GLB1L2: variants seen among roughly 807,000 people sequenced by gnomAD.
GLB1L2 encodes the protein beta-galactosidase-1-like protein 2.
In GLB1L2, 68 loss-of-function variants were observed where a neutral mutation model predicts 84.1. The observed-to-expected ratio is 0.81, with a 90% CI of 0.67 to 0.99. GLB1L2 has a LOEUF of 0.99. Among genes scored for constraint, GLB1L2 ranks in the 50% least tolerant of loss-of-function variants. The pLI, the probability that GLB1L2 is intolerant of heterozygous loss-of-function variation, is 0.00. For missense variants in GLB1L2, 762 were observed against 805.6 expected (o/e 0.95, Z 0.66); for synonymous variants, 290 against 318.0 (o/e 0.91, Z 0.94).
intron 3 of GLB1L2, 36 bp from the exon 4 acceptor site, chr11:134,344,998 C>T (rs771577667): frequency 3.3e-5 from 53 of 1,599,112 alleles, no homozygotes; most frequent in East Asian, 2.7e-4. Context: ...CATCCTGGGC[C>T]GTCGTGGGAG....
chr11:134,355,755 C>T (rs753607987), intron 5 of GLB1L2, among the ~76,000 whole-genome samples: 10 of 152,202 alleles, frequency 6.6e-5, no homozygotes, highest in Non-Finnish European at 8.8e-5. Context: ...TAGCTTCCAG[C>T]CTGAAGTCCA....
chr11:134,350,997 C>T (rs753985878), intron 5 of GLB1L2, among the ~76,000 whole-genome samples: 1 of 152,208 alleles, frequency 6.6e-6, no homozygotes, highest in Non-Finnish European at 1.5e-5. Context: ...TAACTTCTTC[C>T]TTTCCAACTT....
At chr11:134,347,199 G>T in intron 4 of GLB1L2, 126 bp from the exon 5 acceptor site, 1 of 752,142 alleles carries the variant, frequency 1.3e-6, no homozygotes. Context: ...GGCTCAGTGG[G>T]GTGGAGGAGG....
rs112729512 is a variant in GLB1L2, at chr11:134,338,369, G to T, written c.87-4385G>T. On this transcript the variant is annotated intron_variant, in intron 1 of 18. Transcript: ENST00000535456. The surrounding 1 kb of genome is among the most constrained non-coding windows in gnomAD (Gnocchi z 6.2). Reference sequence around the variant, plus strand: ...TCACTCAAGGAGATCCTTTCTGGTGGTGACAGGATCTGGCTCACCTCCCAC... The same window carrying T: ...TCACTCAAGGAGATCCTTTCTGGTGTTGACAGGATCTGGCTCACCTCCCAC... Among the ~76,000 whole-genome samples the T allele has an allele frequency of 0.017, 2,565 of 152,274 alleles. 83 individuals are homozygous for T. Among genetic ancestry groups the T allele is most frequent in the African/African-American group, 0.058 (2,410 of 41,544 alleles).
chr11:134,375,040 G>A lies in GLB1L2; in HGVS notation c.1893G>A (p.Arg631=), dbSNP rs749013600. The part of the protein sequence containing the change: ...LQFTETPHLG[R]NQYIK Reference sequence around the variant, plus strand: ...TCACGGAAACCCCCCACCTGGGCAGGAACCAGTACATTAAGTGAGCGGTGG... The same window carrying A: ...TCACGGAAACCCCCCACCTGGGCAGAAACCAGTACATTAAGTGAGCGGTGG... Residue 631 remains arginine, a synonymous_variant, in exon 19 of 19, where the codon AGG becomes AGA. Transcript: ENST00000535456. 4.9e-5 allele frequency: 79 copies of A among 1,613,614 alleles called. 1 individual carries two copies. Among genetic ancestry groups the A allele is most frequent in the Non-Finnish European group, 7.6e-6 (9 of 1,179,922 alleles).
rs188088975 is a variant in GLB1L2 at position 134,338,654 on chromosome 11, T to C, written c.87-4100T>C. ...CCTCACCACGGGGCACAGCAGAACT[T>C]GGTACCTATGTCCTCTGCTTCAGGT... is the stretch of plus-strand genomic sequence containing the variant. On this transcript the variant is annotated intron_variant, in intron 1 of 18. Transcript: ENST00000535456. This position sits in a 1 kb window ranked among gnomAD's most constrained non-coding sequence, Gnocchi z 6.2. Among the ~76,000 whole-genome samples the C allele has an allele frequency of 2.1e-3, 322 of 152,304 alleles. 1 individual carries two copies. The highest frequency in any genetic ancestry group is 7.5e-3 in the African/African-American group (312 of 41,556).
At chr11:134,345,619 T>C (rs1943543384) in intron 4 of GLB1L2, among the ~76,000 whole-genome samples, 1 of 152,152 alleles carries the variant, frequency 6.6e-6, no homozygotes, top group Non-Finnish European at 1.5e-5. Context: ...TACAGGTGTG[T>C]GCCACCACGC....
intron 5 of GLB1L2, among the ~76,000 whole-genome samples, chr11:134,352,348 A>G (rs181054519): frequency 6.6e-6 from 1 of 152,096 alleles, no homozygotes; most frequent in East Asian, 1.9e-4. Context: ...TTCTTAGTTT[A>G]GCTGCAGTTT....
rs1321924018 is a variant in GLB1L2, at chr11:134,334,009, TC to T, written c.86+1864del. 2.0e-5 allele frequency among the ~76,000 whole-genome samples: 3 copies of T among 152,186 alleles called. No homozygotes were observed. Among genetic ancestry groups the T allele is most frequent in the African/African-American group, 7.2e-5 (3 of 41,426 alleles). On this transcript the variant is annotated intron_variant, in intron 1 of 18. Coordinates refer to ENST00000535456, the MANE Select transcript of GLB1L2 (RefSeq NM_001370461.1). This position sits in a 1 kb window ranked among gnomAD's most constrained non-coding sequence, Gnocchi z 4.1. ...ACCCTCATGGGTACATTCTGCCAGT[TC>T]CTCCTGTCTGACTTGGGCTGGACAC...
Position 134,359,063 on chromosome 11 carries a change from C to A in GLB1L2, c.655C>A (p.Leu219Met), listed in dbSNP as rs751688239. The A allele has an allele frequency of 5.6e-6, 9 of 1,597,676 alleles. No homozygotes were observed. Among genetic ancestry groups the A allele is most frequent in the Non-Finnish European group, 7.7e-6 (9 of 1,171,768 alleles). ...PAYMPYVKKA[L>M]EDRGIVELLL... ...GCTTGTCTCATTTCCCCCACAGGCA[C>A]TGGAGGACCGTGGCATTGTGGAACT... Residue 219 changes from leucine to methionine, a missense_variant, in exon 7 of 19, where the codon CTG (leucine) becomes ATG (methionine). Around this residue, in one of 3 missense-constraint regions of GLB1L2, gnomAD observed 603 missense variants for 611.7 expected, o/e 0.99. Transcript: ENST00000535456.
intron 8 of GLB1L2, among the ~76,000 whole-genome samples, chr11:134,365,408 G>A (rs982648860): frequency 6.6e-6 from 1 of 152,198 alleles, no homozygotes; most frequent in Non-Finnish European, 1.5e-5. Flanking sequence ...GCAGTGGAGT[G>A]GGGGGTGCCT....
At chr11:134,341,410 G>A (rs1280950631) in intron 1 of GLB1L2, among the ~76,000 whole-genome samples, 1 of 152,162 alleles carries the variant, frequency 6.6e-6, no homozygotes, top group Non-Finnish European at 1.5e-5. Context: ...TGGGGGCCAG[G>A]ATTCACATCC....
intron 5 of GLB1L2, among the ~76,000 whole-genome samples, chr11:134,352,471 C>G (rs766651063): frequency 1.6e-4 from 24 of 151,936 alleles, no homozygotes; most frequent in Non-Finnish European, 3.2e-4. Flanking sequence ...TATTTCCTTA[C>G]TTCTGCTACC....
intron 4 of GLB1L2, among the ~76,000 whole-genome samples, chr11:134,345,522 G>A (rs1943541746): frequency 6.6e-6 from 1 of 152,242 alleles, no homozygotes; most frequent in Admixed American, 6.5e-5. Flanking sequence ...TCAGGCTGGA[G>A]TGCAGTGGTG....
chr11:134,346,120 T>C (rs1943549402), intron 4 of GLB1L2, among the ~76,000 whole-genome samples: 1 of 152,146 alleles, frequency 6.6e-6, no homozygotes, highest in Admixed American at 6.5e-5. Context: ...TCCCCTCCCC[T>C]GGTCCCTGGG....
intron 1 of GLB1L2, among the ~76,000 whole-genome samples, chr11:134,341,263 A>T (rs1221067383): frequency 6.6e-6 from 1 of 152,192 alleles, no homozygotes; most frequent in East Asian, 1.9e-4. Context: ...CTCACAGCAG[A>T]GAGTGTTGCA....
rs10894798 is a variant in GLB1L2, at chr11:134,334,211, G to C, written c.86+2064G>C. 0.31 allele frequency among the ~76,000 whole-genome samples: 46,590 copies of C among 152,014 alleles called. 7,067 individuals carry two copies. The highest frequency in any genetic ancestry group is 0.35 in the South Asian group (1,702 of 4,796). On this transcript the variant is annotated intron_variant, in intron 1 of 18. Transcript: ENST00000535456. The surrounding 1 kb of genome is among the most constrained non-coding windows in gnomAD (Gnocchi z 4.1). The stretch of plus-strand genomic sequence containing the variant: ...TGGCCAGTGGAATATAGGTCACGTG[G>C]AAACTGGCCACCAAGTTCACTCTTT...
intron 3 of GLB1L2, 60 bp from the exon 4 acceptor site, chr11:134,344,974 C>T (rs1290095933): frequency 5.1e-6 from 8 of 1,558,114 alleles, no homozygotes; most frequent in African/African-American, 4.0e-5. Flanking sequence ...ATGCGCGTGG[C>T]CCCCACCCGG....
chr11:134,349,686 G>A (rs1025976574), intron 5 of GLB1L2, among the ~76,000 whole-genome samples: 8 of 152,210 alleles, frequency 5.3e-5, no homozygotes, highest in African/African-American at 1.9e-4. Context: ...TTTCCCTGGT[G>A]ATGTTGAGCA....
Sources: gnomAD v4.1 joint callset for allele counts (sites outside exome capture counted in the v4.1 genomes callset) on GRCh38, gnomAD v4.1.1 for gene constraint, gnomAD v4.1.1 regional missense constraint, Gnocchi (gnomAD v3.1) non-coding constraint, MANE v1.5 for transcripts, NCBI Gene and HGNC (gene_info 2026-07-23, HGNC 2026-07-21) for gene names.